OSBPL6: variants seen among roughly 807,000 people sequenced by gnomAD.
OSBPL6 encodes oxysterol-binding protein-related protein 6.
Under a neutral mutation model 125.8 loss-of-function variants are expected in OSBPL6, and 49 were observed. That is an observed-to-expected ratio of 0.39 (90% CI 0.31 to 0.49). The LOEUF (loss-of-function observed/expected upper bound fraction) is 0.49, where lower values mean the gene tolerates loss of function less well. Among genes scored for constraint, OSBPL6 ranks in the 20% least tolerant of loss-of-function variants. OSBPL6 has a pLI of 0.88. For synonymous variants in OSBPL6, 394 were observed against 391.8 expected, an observed-to-expected ratio of 1.01 and a Z score of -0.07; for missense variants, 986 against 1,135.4, an observed-to-expected ratio of 0.87 and a Z score of 1.89.
At chr2:178,375,154 C>G (rs899413057) in intron 15 of OSBPL6, among the ~76,000 whole-genome samples, 1 of 152,124 alleles carries the variant, frequency 6.6e-6, no homozygotes, top group Non-Finnish European at 1.5e-5. Flanking sequence ...GCATGGCAAG[C>G]CTAATTCTAG....
intron 11 of OSBPL6, among the ~76,000 whole-genome samples, chr2:178,340,733 C>A (rs538193880): frequency 6.6e-6 from 1 of 152,192 alleles, no homozygotes; most frequent in South Asian, 2.1e-4. Context: ...TTTCAGAATT[C>A]TTCAGTCCCT....
intron 1 of OSBPL6, among the ~76,000 whole-genome samples, chr2:178,220,907 G>A (rs1250907030): frequency 6.6e-6 from 1 of 152,154 alleles, no homozygotes; most frequent in African/African-American, 2.4e-5. Context: ...TGCAGTAACA[G>A]GACATGGCTG....
chr2:178,349,852 T>C (rs147852509), intron 12 of OSBPL6, among the ~76,000 whole-genome samples: 25 of 152,328 alleles, frequency 1.6e-4, no homozygotes, highest in African/African-American at 6.0e-4. Context: ...CTAGCCCCAG[T>C]CACTGGGATT....
Position 178,402,588 on chromosome 2 carries a change from A to T in OSBPL6, c.*7029A>T, listed in dbSNP as rs535679762. 3 of 151,686 alleles carry T rather than the reference A, an allele frequency of 2.0e-5. No individual in the cohort carries two copies. The East Asian group carries it at 5.8e-4, about 29-fold the overall frequency. The allele number at this position is 151,686 out of a possible 1,614,324, so 9.4% of individuals were successfully genotyped here. On this transcript the variant is annotated 3_prime_UTR_variant, in exon 25 of 25. Coordinates refer to ENST00000190611, the MANE Select transcript of OSBPL6 (RefSeq NM_032523.4). Reference sequence around the variant, plus strand: ...ATATTTTTAATTTCTGTTTGAAAAAACTCCACTGTGAAATTACTCTGCTTA... The same window carrying T: ...ATATTTTTAATTTCTGTTTGAAAAATCTCCACTGTGAAATTACTCTGCTTA...
chr2:178,250,451 A>T (rs1265945764), intron 1 of OSBPL6, among the ~76,000 whole-genome samples: 1 of 152,136 alleles, frequency 6.6e-6, no homozygotes, highest in African/African-American at 2.4e-5. Flanking sequence ...TCATCTTTTA[A>T]AAATGCAGCT....
At chr2:178,315,496 C>A (rs1214072991) in intron 3 of OSBPL6, among the ~76,000 whole-genome samples, 2 of 152,126 alleles carry the variant, frequency 1.3e-5, no homozygotes, top group African/African-American at 4.8e-5. Flanking sequence ...CACACAGATA[C>A]TCATTACCCA....
At chr2:178,198,502 G>T (rs904952446) in intron 1 of OSBPL6, among the ~76,000 whole-genome samples, 2 of 151,670 alleles carry the variant, frequency 1.3e-5, no homozygotes, top group Non-Finnish European at 2.9e-5. Flanking sequence ...TCACCATATT[G>T]GTCAGGCTGG....
intron 15 of OSBPL6, among the ~76,000 whole-genome samples, chr2:178,379,466 A>G (rs770821087): frequency 3.2e-4 from 48 of 151,626 alleles, no homozygotes; most frequent in Non-Finnish European, 5.9e-4. Flanking sequence ...GGAGGGAAGG[A>G]GAAAAAAAGA....
intron 23 of OSBPL6, among the ~76,000 whole-genome samples, chr2:178,393,386 T>C (rs1488106850): frequency 2.0e-5 from 3 of 152,230 alleles, no homozygotes; most frequent in Non-Finnish European, 4.4e-5. Context: ...TATGTAGCTC[T>C]GAACTCATGA....
intron 2 of OSBPL6, among the ~76,000 whole-genome samples, chr2:178,289,881 A>C (rs1285977184): frequency 2.6e-5 from 4 of 152,174 alleles, no homozygotes; most frequent in Admixed American, 6.5e-5. Flanking sequence ...GCTTGATTGG[A>C]TTCAGATCTA....
chr2:178,391,069 C>T lies in OSBPL6; in HGVS notation c.2302-4C>T, dbSNP rs74700006. On this transcript the variant is annotated splice_polypyrimidine_tract_variant and splice_region_variant and intron_variant, in intron 21 of 24. Transcript: ENST00000190611. ...ATGTCACAATTGGGGTTTGGTTTTT[C>T]CAGGTGAATTATTGGAATTCTAACA... 4,714 of 1,612,472 alleles carry T rather than the reference C, an allele frequency of 2.9e-3. 10 individuals carry two copies. The highest frequency in any genetic ancestry group is 5.1e-3 in the Middle Eastern group (31 of 6,052).
At chr2:178,225,002 T>TC (rs1491226908) in intron 1 of OSBPL6, among the ~76,000 whole-genome samples, 850 of 66,868 alleles carry the variant, frequency 0.013, 9 homozygotes, top group African/African-American at 0.045. Context: ...TCTCTCTCTC[T>TC]TTCTCTCTCT....
intron 11 of OSBPL6, among the ~76,000 whole-genome samples, chr2:178,341,606 T>G (rs901001656): frequency 6.6e-6 from 1 of 152,186 alleles, no homozygotes; most frequent in Non-Finnish European, 1.5e-5. Flanking sequence ...GTTTAGTTAC[T>G]TTTGAGGGAA....
chr2:178,198,308 T>A (rs1016907227), intron 1 of OSBPL6, among the ~76,000 whole-genome samples: 2 of 152,094 alleles, frequency 1.3e-5, no homozygotes, highest in African/African-American at 4.8e-5. Flanking sequence ...GTATCAATTT[T>A]TTTTTTTCTT....
At chr2:178,240,516 C>T (rs114440794) in intron 1 of OSBPL6, among the ~76,000 whole-genome samples, 3,250 of 152,160 alleles carry the variant, frequency 0.021, 46 homozygotes, top group Non-Finnish European at 0.034. Context: ...TGCAGTGAGC[C>T]GAGATCCTGC....
chr2:178,319,734 C>T (rs1387708135), intron 3 of OSBPL6, among the ~76,000 whole-genome samples: 2 of 152,192 alleles, frequency 1.3e-5, no homozygotes, highest in African/African-American at 2.4e-5. Context: ...GTTACTAGTA[C>T]CACTGAAATA....
At chr2:178,328,974 C>G (rs1266812658) in intron 5 of OSBPL6, among the ~76,000 whole-genome samples, 3 of 152,138 alleles carry the variant, frequency 2.0e-5, no homozygotes, top group Non-Finnish European at 4.4e-5. Context: ...TCATTAAATA[C>G]TCTTTGAAAT....
At chr2:178,315,445 G>C (rs1300923423) in intron 3 of OSBPL6, among the ~76,000 whole-genome samples, 1 of 152,192 alleles carries the variant, frequency 6.6e-6, no homozygotes, top group Non-Finnish European at 1.5e-5. Flanking sequence ...TATGACAAAA[G>C]TGTCAGCAAA....
intron 1 of OSBPL6, among the ~76,000 whole-genome samples, chr2:178,196,418 T>G (rs1318582048): frequency 6.6e-6 from 1 of 152,210 alleles, no homozygotes; most frequent in African/African-American, 2.4e-5. Flanking sequence ...GCAATGTTGA[T>G]AACGCCATTA....
Sources: gnomAD v4.1 joint callset for allele counts (sites outside exome capture counted in the v4.1 genomes callset) on GRCh38, gnomAD v4.1.1 for gene constraint, MANE v1.5 for transcripts, NCBI Gene and HGNC (gene_info 2026-07-23, HGNC 2026-07-21) for gene names.